Variants in UTRN observed in about 807,000 individuals in gnomAD.
The protein encoded by UTRN is dystrophin-related protein 1.
UTRN carries 283 observed loss-of-function variants against 463.9 expected under a neutral mutation model. That is an observed-to-expected ratio of 0.61 (90% CI 0.55 to 0.67). UTRN has a LOEUF of 0.67. UTRN is among the 30% of genes least tolerant of loss of function. The pLI, the probability that UTRN is intolerant of heterozygous loss-of-function variation, is 0.00. For missense variants in UTRN, 3,922 were observed against 4,084.3 expected (o/e 0.96, Z 1.08); for synonymous variants, 1,442 against 1,431.5 (o/e 1.01, Z -0.17).
intron 34 of UTRN, among the ~76,000 whole-genome samples, chr6:144,510,611 C>T (rs1189082372): frequency 6.6e-6 from 1 of 151,948 alleles, no homozygotes; most frequent in African/African-American, 2.4e-5. Flanking sequence ...TGAAATTGAG[C>T]CTTTACATTT....
intron 50 of UTRN, among the ~76,000 whole-genome samples, chr6:144,560,412 C>T (rs947579428): frequency 1.3e-5 from 2 of 152,168 alleles, no homozygotes; most frequent in African/African-American, 2.4e-5. Context: ...ATGAAAGATA[C>T]GGGGCCTTTT....
chr6:144,729,351 AC>A (rs1788275630), intron 53 of UTRN, among the ~76,000 whole-genome samples: 1 of 152,218 alleles, frequency 6.6e-6, no homozygotes, highest in Non-Finnish European at 1.5e-5. Flanking sequence ...GCCTGCAAAT[AC>A]TGTAGCATCT....
Position 144,485,757 on chromosome 6 carries a change from A to G in UTRN, c.3822+238A>G, listed in dbSNP as rs535595005. ...TTAGCTGTTTGACATCTTACATTTT[A>G]GACATGTTGAAGCACTCTAGTGGTT... On this transcript the variant is annotated intron_variant, in intron 28 of 74. Coordinates refer to ENST00000367545, the MANE Select transcript of UTRN (RefSeq NM_007124.3). Among the ~76,000 whole-genome samples the G allele has an allele frequency of 2.0e-5, 3 of 152,308 alleles. No homozygotes were observed. In the East Asian group the frequency reaches 5.8e-4, roughly 29 times the overall value.
chr6:144,420,032 G>A (rs1784698665), intron 3 of UTRN, among the ~76,000 whole-genome samples: 1 of 151,656 alleles, frequency 6.6e-6, no homozygotes, highest in Non-Finnish European at 1.5e-5. Context: ...AGGGAAGGAA[G>A]GAAGGAATAA....
At chr6:144,366,241 C>A (rs901882535) in intron 2 of UTRN, among the ~76,000 whole-genome samples, 4 of 152,078 alleles carry the variant, frequency 2.6e-5, no homozygotes, top group African/African-American at 9.7e-5. Context: ...AAATTTTTAC[C>A]TATATATATT....
chr6:144,453,947 T>A (rs986506510), intron 19 of UTRN, 78 bp downstream of exon 19: 1 of 1,315,718 alleles, frequency 7.6e-7, no homozygotes, highest in African/African-American at 1.5e-5. Flanking sequence ...CTATTAAATA[T>A]TTTGCTTTAA....
chr6:144,357,312 TA>T, intron 2 of UTRN, among the ~76,000 whole-genome samples: 1 of 152,344 alleles, frequency 6.6e-6, no homozygotes, highest in Middle Eastern at 3.4e-3. Context: ...TGATCCCTGT[TA>T]TTTGTTAAGT....
At chr6:144,334,674 C>T (rs1439381625) in intron 2 of UTRN, among the ~76,000 whole-genome samples, 2 of 152,174 alleles carry the variant, frequency 1.3e-5, no homozygotes, top group Non-Finnish European at 2.9e-5. Context: ...TGCATAGTAT[C>T]ATTTACTTTC....
At chr6:144,587,559 T>C (rs569373038) in intron 51 of UTRN, among the ~76,000 whole-genome samples, 1 of 152,194 alleles carries the variant, frequency 6.6e-6, no homozygotes, top group Admixed American at 6.5e-5. Context: ...GCTCCCTGTA[T>C]TTAGAGGTAG....
intron 2 of UTRN, among the ~76,000 whole-genome samples, chr6:144,372,626 C>T (rs1477549797): frequency 1.3e-5 from 2 of 151,858 alleles, no homozygotes; most frequent in African/African-American, 2.4e-5. Context: ...TCCCAAGTAG[C>T]TGGTATTACA....
At chr6:144,664,559 T>C (rs1212870491) in intron 51 of UTRN, among the ~76,000 whole-genome samples, 1 of 150,430 alleles carries the variant, frequency 6.6e-6, no homozygotes, top group Admixed American at 6.7e-5. Context: ...CCACCTCGAG[T>C]CTTACCTATA....
intron 3 of UTRN, among the ~76,000 whole-genome samples, chr6:144,415,345 G>A (rs749212760): frequency 6.6e-6 from 1 of 152,194 alleles, no homozygotes; most frequent in East Asian, 1.9e-4. Flanking sequence ...CTTGATTTTC[G>A]CATACTGTAT....
intron 36 of UTRN, among the ~76,000 whole-genome samples, chr6:144,514,257 T>G (rs543844183): frequency 1.3e-5 from 2 of 152,236 alleles, no homozygotes; most frequent in South Asian, 4.1e-4. Context: ...TCAACCGGAG[T>G]AAGACCTATT....
intron 46 of UTRN, 100 bp downstream of exon 46, chr6:144,542,970 G>A (rs142809334): frequency 3.1e-5 from 31 of 992,802 alleles, no homozygotes; most frequent in African/African-American, 5.0e-5. Flanking sequence ...TAGAAACGTC[G>A]TGCCATTTTC....
intron 39 of UTRN, among the ~76,000 whole-genome samples, chr6:144,521,064 T>A (rs1264665404): frequency 1.3e-5 from 2 of 152,116 alleles, no homozygotes; most frequent in Non-Finnish European, 2.9e-5. Context: ...GGTCAGCTGA[T>A]CACTTGAGGT....
At chr6:144,778,963 G>T (rs1183669377) in intron 60 of UTRN, among the ~76,000 whole-genome samples, 3 of 152,070 alleles carry the variant, frequency 2.0e-5, no homozygotes, top group Non-Finnish European at 2.9e-5. Flanking sequence ...GAAGATTTAC[G>T]CTTGACTTAG....
At chr6:144,301,435 C>T (rs1005052331) in intron 2 of UTRN, among the ~76,000 whole-genome samples, 1 of 151,622 alleles carries the variant, frequency 6.6e-6, no homozygotes, top group African/African-American at 2.4e-5. Context: ...ATTCTGAGGG[C>T]CTTGGCATCA....
intron 2 of UTRN, among the ~76,000 whole-genome samples, chr6:144,390,758 T>C (rs1022575329): frequency 5.9e-5 from 9 of 152,268 alleles, no homozygotes; most frequent in Non-Finnish European, 1.0e-4. Context: ...CCCCTTTTCA[T>C]CCCCATCAAG....
At chr6:144,528,194 A>T (rs1370457877) in intron 41 of UTRN, among the ~76,000 whole-genome samples, 1 of 151,732 alleles carries the variant, frequency 6.6e-6, no homozygotes, top group African/African-American at 2.4e-5. Flanking sequence ...GCATCACCAC[A>T]CCAGCTTATT....
Sources: allele counts gnomAD v4.1 joint callset (sites outside exome capture counted in the v4.1 genomes callset), GRCh38; gene constraint gnomAD v4.1.1; transcripts MANE v1.5; gene names NCBI Gene and HGNC (gene_info 2026-07-23, HGNC 2026-07-21).